MATR3: variants seen among roughly 807,000 people sequenced by gnomAD.
MATR3 encodes the protein matrin 3.
In MATR3, 4 loss-of-function variants were observed where a neutral mutation model predicts 85.5. That is an observed-to-expected ratio of 0.05 (90% CI 0.02 to 0.11). The LOEUF (loss-of-function observed/expected upper bound fraction) is 0.11. Ranked by LOEUF, MATR3 falls within the 10% of genes least tolerant of loss-of-function variation. MATR3 has a pLI of 1.00. For missense variants in MATR3, 685 were observed against 1,016.1 expected, an observed-to-expected ratio of 0.67 and a Z score of 4.43; for synonymous variants, 336 against 343.1, an observed-to-expected ratio of 0.98 and a Z score of 0.23.
intron 1 of MATR3, among the ~76,000 whole-genome samples, chr5:139,294,336 T>C (rs1313634410): frequency 6.6e-6 from 1 of 152,166 alleles, no homozygotes; most frequent in Non-Finnish European, 1.5e-5. Flanking sequence ...CTGAAAATGT[T>C]CCCCCAAAAT....
chr5:139,288,347 C>A (rs117110049), intron 3 of MATR3, among the ~76,000 whole-genome samples: 1 of 152,180 alleles, frequency 6.6e-6, no homozygotes, highest in Non-Finnish European at 1.5e-5. Context: ...ATAATTACTT[C>A]GTTGAAAAAG....
chr5:139,320,602 C>T (rs531675574), intron 9 of MATR3, among the ~76,000 whole-genome samples: 7 of 151,956 alleles, frequency 4.6e-5, no homozygotes, highest in Non-Finnish European at 8.8e-5. Context: ...GACCCTGTCT[C>T]AAAAAGGAAA....
chr5:139,299,358 C>T (rs1754323321), intron 1 of MATR3, among the ~76,000 whole-genome samples: 1 of 152,074 alleles, frequency 6.6e-6, no homozygotes, highest in South Asian at 2.1e-4. Flanking sequence ...TAGAATGGAA[C>T]CAACACATGA....
At chr5:139,274,247 G>A (rs1753181585) in intron 1 of MATR3, 1 of 356,172 alleles carries the variant, frequency 2.8e-6, no homozygotes, top group African/African-American at 2.1e-5. Context: ...GCCGGGGCAC[G>A]GGACGAAATT....
At chr5:139,319,251 C>A in intron 8 of MATR3, 83 bp from the exon 9 acceptor site, 3 of 1,430,952 alleles carry the variant, frequency 2.1e-6, no homozygotes, top group Non-Finnish European at 3.0e-6. Flanking sequence ...AAAAATAAAA[C>A]AATTGGTAAA....
At chr5:139,304,296 G>GTCAGGAGT (rs1427189098) in intron 1 of MATR3, among the ~76,000 whole-genome samples, 1 of 151,902 alleles carries the variant, frequency 6.6e-6, no homozygotes, top group Non-Finnish European at 1.5e-5. Flanking sequence ...ATCACCTGAG[G>GTCAGGAGT]TCGAGACCAG....
At chr5:139,287,317 C>T (rs1248662225) in intron 3 of MATR3, among the ~76,000 whole-genome samples, 3 of 152,158 alleles carry the variant, frequency 2.0e-5, no homozygotes, top group African/African-American at 7.2e-5. Context: ...TCTATTCTGG[C>T]ATTGAAAGTT....
chr5:139,324,439 C>T (rs1755741394), intron 12 of MATR3, among the ~76,000 whole-genome samples: 1 of 151,860 alleles, frequency 6.6e-6, no homozygotes, highest in South Asian at 2.1e-4. Context: ...TACAGGTGTC[C>T]ACCACCACAC....
Position 139,294,038 on chromosome 5 carries a change from C to CGT in MATR3, c.-178+233_-178+234insGT. 5.3e-5 allele frequency: 67 copies of CGT among 1,275,604 alleles called. No individual in the cohort carries two copies. The South Asian group carries it at 5.6e-4, about 11-fold the overall frequency. The allele number at this position is 1,275,604 out of a possible 1,614,324, so 79.0% of individuals were successfully genotyped here. A position where few individuals can be genotyped will look rare whatever the true frequency, so the allele number is the denominator to read the frequency against. Reference sequence around the variant, plus strand: ...TTCTAGGGCGGCGGAGGTGAGCGGTCCGGGAGGGAAACACGCGGCCGGCCA... The same window carrying CGT: ...TTCTAGGGCGGCGGAGGTGAGCGGTCGTCGGGAGGGAAACACGCGGCCGGCCA... On this transcript the variant is annotated intron_variant, in intron 1 of 14. Transcript: ENST00000394805.
chr5:139,310,463 A>G (rs1278291006), intron 2 of MATR3: 2 of 152,208 alleles, frequency 1.3e-5, no homozygotes, highest in Non-Finnish European at 1.5e-5. Flanking sequence ...TATATTGAAA[A>G]AATCTTTACT....
At chr5:139,318,326 G>A (rs904159360) in intron 7 of MATR3, among the ~76,000 whole-genome samples, 1 of 152,166 alleles carries the variant, frequency 6.6e-6, no homozygotes, top group African/African-American at 2.4e-5. Flanking sequence ...TAGAGATGGG[G>A]TTTCACCATG....
At chr5:139,285,908 T>C (rs1403643688) in intron 3 of MATR3, among the ~76,000 whole-genome samples, 1 of 152,000 alleles carries the variant, frequency 6.6e-6, no homozygotes, top group African/African-American at 2.4e-5. Flanking sequence ...TGGGACACCA[T>C]CAGGTGAACC....
At chr5:139,290,427 G>C (rs1054101749), upstream of MATR3, among the ~76,000 whole-genome samples, 2 of 111,532 alleles carry the variant, frequency 1.8e-5, no homozygotes, top group African/African-American at 8.1e-5. Context: ...GAGCCACTGC[G>C]CCTGGCCGCT....
At chr5:139,299,157 A>G (rs1754313891) in intron 1 of MATR3, among the ~76,000 whole-genome samples, 1 of 152,206 alleles carries the variant, frequency 6.6e-6, no homozygotes, top group Non-Finnish European at 1.5e-5. Flanking sequence ...ACTGGTTTGT[A>G]TAATACATTG....
intron 1 of MATR3, among the ~76,000 whole-genome samples, chr5:139,306,022 G>C (rs1000969438): frequency 1.4e-4 from 21 of 152,154 alleles, no homozygotes; most frequent in African/African-American, 4.8e-4. Context: ...CCAGTGCTGA[G>C]TGTATTGGTG....
At position 139,329,648 on chromosome 5, in the gene MATR3, A is replaced by G. The variant is rs1158276779; in HGVS notation, c.*253A>G. On this transcript the variant is annotated 3_prime_UTR_variant, in exon 15 of 15. Transcript: ENST00000394805. The stretch of plus-strand genomic sequence containing the variant: ...AGTACTTTGTAGAGATTGACTTCCT[A>G]AGCTACTTAAGACAACTTGCACCAC... 2.0e-6 allele frequency: 1 copy of G among 511,462 alleles called. No homozygotes were observed. Among genetic ancestry groups the G allele is most frequent in the East Asian group, 5.1e-5 (1 of 19,682 alleles). 31.7% of individuals were successfully genotyped at this position (511,462 alleles called of 1,614,324 possible). A position where few individuals can be genotyped will look rare whatever the true frequency, so the allele number is the denominator to read the frequency against.
At chr5:139,302,780 C>T (rs1754517127) in intron 1 of MATR3, among the ~76,000 whole-genome samples, 1 of 152,150 alleles carries the variant, frequency 6.6e-6, no homozygotes, top group Non-Finnish European at 1.5e-5. Flanking sequence ...CTACCTAAAA[C>T]ATATTTGGTA....
At chr5:139,293,716 A>G (rs1218391304), upstream of MATR3, 3 of 347,662 alleles carry the variant, frequency 8.6e-6, no homozygotes, top group African/African-American at 4.2e-5. Flanking sequence ...GCTTCTCGCC[A>G]GCGCCGTTGC....
intron 3 of MATR3, chr5:139,315,082 A>G (rs1755173906): frequency 4.4e-6 from 1 of 227,124 alleles, no homozygotes; most frequent in Non-Finnish European, 8.9e-6. Flanking sequence ...AATGTAAAAG[A>G]TACGGAAAAG....
Sources: gnomAD v4.1 joint callset for allele counts (sites outside exome capture counted in the v4.1 genomes callset) on GRCh38, gnomAD v4.1.1 for gene constraint, MANE v1.5 for transcripts, NCBI Gene and HGNC (gene_info 2026-07-23, HGNC 2026-07-21) for gene names.